Variants in BRD2 observed in about 807,000 individuals in gnomAD.
BRD2 encodes bromodomain containing 2, also known as bromodomain-containing protein 2.
In BRD2, 15 loss-of-function variants were observed where a neutral mutation model predicts 79.1. The ratio of observed to expected loss-of-function variants is 0.19; its 90% confidence interval spans 0.13 to 0.29. The LOEUF is 0.29. Ranked by LOEUF, BRD2 falls within the 10% of genes least tolerant of loss-of-function variation. The pLI is 1.00. For missense variants in BRD2, 1,053 were observed against 991.3 expected, an observed-to-expected ratio of 1.06 and a Z score of -0.84; for synonymous variants, 488 against 358.6, an observed-to-expected ratio of 1.36 and a Z score of -4.08.
chr6:32,976,757 T>A lies in BRD2; in HGVS notation c.1021T>A (p.Ser341Thr). The change falls in exon 7 of 13, where the codon TCT becomes ACT. Residue 341 changes from serine to threonine, a missense_variant. Ser to Thr is a moderately conservative substitution (Grantham distance 58). Around this residue, in one of 5 missense-constraint regions of BRD2, gnomAD observed 454 missense variants for 430.5 expected, o/e 1.05. Coordinates refer to ENST00000374825, the MANE Select transcript of BRD2 (RefSeq NM_005104.4). Reference sequence around the variant, plus strand: ...TGACTCTCAGCAACAACACCAGAGCTCTAAGAAAGGAAAGCTTTCAGAACA... The same window carrying A: ...TGACTCTCAGCAACAACACCAGAGCACTAAGAAAGGAAAGCTTTCAGAACA... ...LPDSQQQHQSSKKGKLSEQLK... is the reference protein window; with the variant it reads ...LPDSQQQHQSTKKGKLSEQLK... The A allele has an allele frequency of 6.2e-7, 1 of 1,613,262 alleles. No individual in the cohort carries two copies. The highest frequency in any genetic ancestry group is 8.5e-7 in the Non-Finnish European group (1 of 1,180,030).
At chr6:32,973,059 GC>G in intron 2 of BRD2, 132 bp downstream of exon 2, 1 of 1,599,366 alleles carries the variant, frequency 6.3e-7, no homozygotes, top group Non-Finnish European at 8.5e-7. Context: ...ACTCGGTCGC[GC>G]GGAGGGAATT....
At position 32,978,327 on chromosome 6, in the gene BRD2, G is replaced by T. The variant is rs774307368; in HGVS notation, c.1780G>T (p.Gly594Trp). 1.2e-6 allele frequency: 2 copies of T among 1,613,006 alleles called. No homozygotes were observed. The highest frequency in any genetic ancestry group is 1.1e-5 in the South Asian group (1 of 91,080). Residue 594 changes from glycine to tryptophan, a missense_variant, in exon 10 of 13, where the codon GGG becomes TGG. By Grantham distance (184) the Gly-to-Trp change is radical (BLOSUM62 -2). Transcript: ENST00000374825. ...GAAGTCCAAGAAAGCAAGTGGCAGTGGGGGTGGCAGTGCTGCTTTAGGCCC... is the reference window on the plus strand; with the variant it reads ...GAAGTCCAAGAAAGCAAGTGGCAGTTGGGGTGGCAGTGCTGCTTTAGGCCC... Reference protein sequence around the residue: ...PKKSKKASGSGGGSAALGPSG... With the variant: ...PKKSKKASGSWGGSAALGPSG...
At position 32,976,615 on chromosome 6, in the gene BRD2, C is replaced by T. The variant is rs1226774925; in HGVS notation, c.879C>T (p.Ile293=). Residue 293 remains isoleucine (I), a synonymous_variant, in exon 7 of 13, where the codon ATC becomes ATT. Coordinates refer to ENST00000374825, the MANE Select transcript of BRD2 (RefSeq NM_005104.4). Reference sequence around the variant, plus strand: ...CTACCACCCCTACACCTACAGCCATCTTGGCTCCTGGTTCTCCAGCTAGCC... The same window carrying T: ...CTACCACCCCTACACCTACAGCCATTTTGGCTCCTGGTTCTCCAGCTAGCC... ...ADTTTPTPTA[I]LAPGSPASPP... 2 of 1,610,944 alleles carry T rather than the reference C, an allele frequency of 1.2e-6. No individual in the cohort carries two copies. The highest frequency in any genetic ancestry group is 1.3e-5 in the African/African-American group (1 of 75,034).
At chr6:32,975,891 T>G in intron 4 of BRD2, 140 bp from the exon 5 acceptor site, 1 of 1,072,818 alleles carries the variant, frequency 9.3e-7, no homozygotes, top group Non-Finnish European at 1.3e-6. Context: ...AGTAGGAAAT[T>G]TTCTTTAAGA....
rs1010774654 is a variant in BRD2, at chr6:32,978,203, A to G, written c.1656A>G (p.Lys552=). The change falls in exon 10 of 13, where the codon AAA becomes AAG. Residue 552 remains lysine (K), a synonymous_variant. Transcript: ENST00000374825. The part of the protein sequence containing the change: ...ISKPKRKREK[K]EKKKKRKAEK... ...AGCCCAAGAGGAAAAGAGAGAAAAA[A>G]GAGAAAAAGAAGAAACGGAAGGCAG... is the stretch of plus-strand genomic sequence containing the variant. 6.2e-7 allele frequency: 1 copy of G among 1,613,020 alleles called. No homozygotes were observed. Among genetic ancestry groups the G allele is most frequent in the Non-Finnish European group, 8.5e-7 (1 of 1,180,036 alleles).
At position 32,980,679 on chromosome 6, in the gene BRD2, G is replaced by C. The variant is rs538090232; in HGVS notation, c.2367G>C (p.Ser789=). 8.9e-5 allele frequency: 143 copies of C among 1,612,192 alleles called. No individual in the cohort carries two copies. The East Asian group carries it at 2.6e-3, about 29-fold the overall frequency. The stretch of plus-strand genomic sequence containing the variant: ...CAGATTCCAGCTCCTCCTCTTCCTC[G>C]TCGTCGTCTTCAGACACCAGTGATT... ...SSSDSSSSSS[S]SSSSDTSDSD... Residue 789 remains serine, a synonymous_variant, in exon 13 of 13, where the codon TCG becomes TCC. Coordinates refer to ENST00000374825, the MANE Select transcript of BRD2 (RefSeq NM_005104.4).
chr6:32,969,390 C>A (rs557748132), intron 1 of BRD2: 1 of 716,280 alleles, frequency 1.4e-6, no homozygotes, highest in East Asian at 2.7e-5. Flanking sequence ...GGAGGGGTGA[C>A]CTGGCGGTGG....
rs1227743388 is a variant in BRD2 at position 32,972,086 on chromosome 6, G to T, written c.-813G>T. The T allele has an allele frequency of 2.0e-5, 14 of 695,714 alleles. No homozygotes were observed. Among genetic ancestry groups the T allele is most frequent in the Non-Finnish European group, 3.7e-5 (14 of 381,666 alleles). The allele number at this position is 695,714 out of a possible 1,614,324, so 43.1% of individuals were successfully genotyped here. A position where few individuals can be genotyped will look rare whatever the true frequency, so the allele number is the denominator to read the frequency against. On this transcript the variant is annotated 5_prime_UTR_variant, in exon 2 of 13. The change creates a premature stop within an existing upstream ORF in the 5' untranslated region. Transcript: ENST00000374825. ...ACTCAGCTTCTTCACCCGCGTGAGC[G>T]AGCGCGCGCGCGCGGAGGGGGTGGG...
rs140063261 is a variant in BRD2 at position 32,973,159 on chromosome 6, C to T, written c.29+232C>T. ...TCAATTTATACGCTATTAATGCCGC[C>T]GTGGCCCAGTCTTAACCGAGTCAGG... On this transcript the variant is annotated intron_variant, in intron 2 of 12. Transcript: ENST00000374825. 5.7e-4 allele frequency: 888 copies of T among 1,545,220 alleles called. 7 individuals are homozygous for T. The African/African-American group carries it at 0.011, about 19-fold the overall frequency.
At chr6:32,972,983 G>T in intron 2 of BRD2, 56 bp downstream of exon 2, 1 of 1,613,976 alleles carries the variant, frequency 6.2e-7, no homozygotes, top group Non-Finnish European at 8.5e-7. Context: ...GCGGCACAGG[G>T]GTGTGGGGCG....
rs1778779669 is a variant in BRD2, at chr6:32,976,515, A to G, written c.826-47A>G. Reference sequence around the variant, plus strand: ...CAGCAGGGAGGCAAGGGTCTTAAGTAAAGTGGGCTTGGAGTGACAGGTTCC... The same window carrying G: ...CAGCAGGGAGGCAAGGGTCTTAAGTGAAGTGGGCTTGGAGTGACAGGTTCC... On this transcript the variant is annotated intron_variant, in intron 6 of 12. Coordinates refer to ENST00000374825, the MANE Select transcript of BRD2 (RefSeq NM_005104.4). The G allele has an allele frequency of 2.5e-6, 4 of 1,597,700 alleles. No homozygotes were observed. The East Asian group carries it at 8.9e-5, about 36-fold the overall frequency.
intron 1 of BRD2, chr6:32,971,291 ATGTAT>A (rs1777942581): frequency 6.8e-6 from 2 of 294,282 alleles, no homozygotes; most frequent in Non-Finnish European, 1.2e-5. Context: ...ACGAGCAGAA[ATGTAT>A]TGGTAACTGT....
intron 2 of BRD2, among the ~76,000 whole-genome samples, chr6:32,973,851 T>A (rs1050670421): frequency 8.5e-5 from 13 of 152,258 alleles, no homozygotes; most frequent in African/African-American, 3.1e-4. Context: ...TCTGACAAAT[T>A]CTTCCTTGTC....
At chr6:32,975,977 C>CAA in intron 4 of BRD2, 54 bp from the exon 5 acceptor site, 3 of 1,552,348 alleles carry the variant, frequency 1.9e-6, no homozygotes, top group Non-Finnish European at 1.7e-6. Context: ...TGGTGTGTAT[C>CAA]TATCTTCTGT....
intron 1 of BRD2, 30 bp from the exon 2 acceptor site, chr6:32,971,565 T>C: frequency 4.4e-6 from 2 of 456,334 alleles, no homozygotes; most frequent in Non-Finnish European, 3.9e-6. Flanking sequence ...GGCCGCGGCT[T>C]CTAAGATGGC....
chr6:32,976,998 A>AT (rs1561947074), intron 7 of BRD2, 62 bp downstream of exon 7: 2 of 1,534,454 alleles, frequency 1.3e-6, no homozygotes, highest in Non-Finnish European at 1.8e-6. Context: ...GTGCAAAACA[A>AT]TAAGTCTCCT....
Position 32,978,025 on chromosome 6 carries a change from AG to A in BRD2, c.1578+21del. On this transcript the variant is annotated intron_variant, in intron 9 of 12. Coordinates refer to ENST00000374825, the MANE Select transcript of BRD2 (RefSeq NM_005104.4). ...GAACAGGTATTTTGTCACTCTTGAAAGTTTTTATTGGGTAAGAGGTTCATGC... is the reference window on the plus strand; with the variant it reads ...GAACAGGTATTTTGTCACTCTTGAAATTTTTATTGGGTAAGAGGTTCATGC... The A allele has an allele frequency of 6.2e-7, 1 of 1,607,288 alleles. No homozygotes were observed. The highest frequency in any genetic ancestry group is 1.1e-5 in the South Asian group (1 of 91,004).
At chr6:32,978,626 A>G (rs1779094161) in intron 10 of BRD2, 1 of 635,758 alleles carries the variant, frequency 1.6e-6, no homozygotes, top group Non-Finnish European at 2.7e-6. Context: ...TCATTGGGCC[A>G]TTGGATTCCC....
rs967821451 is a variant in BRD2 at position 32,968,715 on chromosome 6, G to A, written c.-1646G>A. 1 of 153,486 alleles carries A rather than the reference G, an allele frequency of 6.5e-6. No homozygotes were observed. The highest frequency in any genetic ancestry group is 2.4e-5 in the African/African-American group (1 of 41,462). The allele number at this position is 153,486 out of a possible 1,614,324, so 9.5% of individuals were successfully genotyped here. On this transcript the variant is annotated 5_prime_UTR_variant, in exon 1 of 13. Coordinates refer to ENST00000374825, the MANE Select transcript of BRD2 (RefSeq NM_005104.4). ...ACAAGCAGCAGCGTTATAGCGCTCT[G>A]GGTTTCGGGACATAGGCCTGGGCCA...
Sources: allele counts gnomAD v4.1 joint callset (sites outside exome capture counted in the v4.1 genomes callset), GRCh38; gene constraint gnomAD v4.1.1; regional missense constraint gnomAD v4.1.1; transcripts MANE v1.5; gene names NCBI Gene and HGNC (gene_info 2026-07-23, HGNC 2026-07-21).